Variants in TAB1 observed in about 807,000 individuals in gnomAD.
TAB1 encodes the protein TGF-beta activated kinase 1 (MAP3K7) binding protein 1.
In TAB1, 30 loss-of-function variants were observed where a neutral mutation model predicts 54.5. The observed-to-expected ratio is 0.55, with a 90% confidence interval of 0.41 to 0.75. TAB1 has a LOEUF of 0.75. Ranked by LOEUF, TAB1 falls within the 30% of genes least tolerant of loss-of-function variation. TAB1 has a pLI of 0.00. For missense variants in TAB1, 609 were observed against 683.2 expected (o/e 0.89, Z 1.21); for synonymous variants, 289 against 286.9 (o/e 1.01, Z -0.07).
intron 1 of TAB1, among the ~76,000 whole-genome samples, chr22:39,404,978 C>T (rs1926301225): frequency 6.6e-6 from 1 of 152,186 alleles, no homozygotes; most frequent in Non-Finnish European, 1.5e-5. Flanking sequence ...GTCTGCTGCT[C>T]CCCTGCTCCG....
chr22:39,429,687 G>A (rs1927502880), intron 10 of TAB1: 1 of 385,022 alleles, frequency 2.6e-6, no homozygotes, highest in South Asian at 1.1e-4. Context: ...TCACCGTGTT[G>A]GCCAGGCTGA....
chr22:39,414,299 G>A (rs1926730022), intron 1 of TAB1, among the ~76,000 whole-genome samples: 1 of 152,200 alleles, frequency 6.6e-6, no homozygotes, highest in Non-Finnish European at 1.5e-5. Flanking sequence ...GGACAGGGCT[G>A]TAGGCATTTG....
At chr22:39,408,727 T>C (rs192093778) in intron 1 of TAB1, among the ~76,000 whole-genome samples, 14 of 152,284 alleles carry the variant, frequency 9.2e-5, no homozygotes, top group Non-Finnish European at 1.6e-4. Context: ...GGTCTTGAAC[T>C]CCTGACTTGG....
At chr22:39,429,006 C>T (rs1230128328) in intron 10 of TAB1, 2 of 972,430 alleles carry the variant, frequency 2.1e-6, no homozygotes, top group South Asian at 9.5e-5. Context: ...CTCCAGCACC[C>T]CTGCCGGGCT....
chr22:39,405,446 G>T (rs1034736447), intron 1 of TAB1, among the ~76,000 whole-genome samples: 4 of 152,234 alleles, frequency 2.6e-5, no homozygotes, highest in African/African-American at 9.6e-5. Context: ...TCCTGCGTTC[G>T]CTGTTGTGTG....
intron 8 of TAB1, among the ~76,000 whole-genome samples, chr22:39,424,844 G>A (rs1927250251): frequency 6.6e-6 from 1 of 152,110 alleles, no homozygotes. Context: ...GTAGAGTAGG[G>A]AATTTGGGGT....
At chr22:39,418,032 C>T (rs550286572) in intron 5 of TAB1, among the ~76,000 whole-genome samples, 183 bp downstream of exon 5, 47 of 152,346 alleles carry the variant, frequency 3.1e-4, no homozygotes, top group African/African-American at 9.1e-4. Flanking sequence ...GGAGAAAGGA[C>T]GGGATGGGAG....
At chr22:39,429,885 A>G (rs1020684654) in intron 10 of TAB1, 130 bp from the exon 11 acceptor site, 10 of 1,518,000 alleles carry the variant, frequency 6.6e-6, no homozygotes, top group Middle Eastern at 2.5e-4. Context: ...GCCAGCTCCT[A>G]TGGTCACCTC....
chr22:39,406,799 A>AT (rs945490115), intron 1 of TAB1, among the ~76,000 whole-genome samples: 3 of 151,574 alleles, frequency 2.0e-5, no homozygotes, highest in African/African-American at 7.3e-5. Context: ...CGCCCACCTA[A>AT]TTTTTTTGTA....
chr22:39,419,409 C>A, intron 6 of TAB1, 110 bp from the exon 7 acceptor site: 1 of 866,442 alleles, frequency 1.2e-6, no homozygotes. Context: ...TCTTCATTTC[C>A]TATTCAGTGG....
chr22:39,428,373 G>A (rs1209590952), intron 10 of TAB1, among the ~76,000 whole-genome samples, 190 bp downstream of exon 10: 1 of 152,236 alleles, frequency 6.6e-6, no homozygotes, highest in African/African-American at 2.4e-5. Flanking sequence ...TTGGTCAGGT[G>A]GCTGATGGTC....
At chr22:39,429,018 C>A in intron 10 of TAB1, 1 of 973,364 alleles carries the variant, frequency 1.0e-6, no homozygotes, top group South Asian at 4.7e-5. Context: ...TGCCGGGCTG[C>A]CTGGAGGAGT....
chr22:39,400,817 C>T (rs932410752), intron 1 of TAB1, among the ~76,000 whole-genome samples: 4 of 151,964 alleles, frequency 2.6e-5, no homozygotes, highest in East Asian at 1.9e-4. Context: ...GGGTGGATCA[C>T]GAGGTCAGGA....
chr22:39,410,090 T>C (rs1490016182), intron 1 of TAB1, among the ~76,000 whole-genome samples: 1 of 152,254 alleles, frequency 6.6e-6, no homozygotes, highest in East Asian at 1.9e-4. Flanking sequence ...AGACCCAATT[T>C]TGTGTTACTG....
downstream of TAB1, among the ~76,000 whole-genome samples, chr22:39,434,265 A>G (rs141831025): frequency 2.1e-3 from 327 of 152,354 alleles, 1 homozygote; most frequent in African/African-American, 7.1e-3. Context: ...CCACACGCCT[A>G]TGGGCACCCT....
downstream of TAB1, among the ~76,000 whole-genome samples, chr22:39,434,404 CAG>C (rs993666952): frequency 3.9e-4 from 60 of 152,376 alleles, no homozygotes; most frequent in African/African-American, 1.3e-3. Context: ...GAAGTGCAGA[CAG>C]GGGCTGTGGG....
rs370199781 is a variant in TAB1 at position 39,417,836 on chromosome 22, C to A, written c.537C>A (p.Tyr179Ter). The A allele has an allele frequency of 6.2e-7, 1 of 1,608,754 alleles. No individual in the cohort carries two copies. Residue 179 changes from tyrosine to a stop codon, truncating the protein, a stop_gained, in exon 5 of 11, where the codon TAC becomes TAA. Transcript: ENST00000216160. LOFTEE classifies it high-confidence loss of function. ...VVAVLLNNKL[Y>*]VANVGTNRAL... is the part of the protein sequence containing the mutation. ...CGGTCCTTCTCAACAACAAGCTCTA[C>A]GTCGCCAATGTCGGTGAGCCCCCTC...
chr22:39,412,557 G>A (rs908986511), intron 1 of TAB1, among the ~76,000 whole-genome samples: 1 of 152,082 alleles, frequency 6.6e-6, no homozygotes, highest in Non-Finnish European at 1.5e-5. Context: ...CCCACACCCT[G>A]CAGAAGTTGC....
rs28473363 is a variant in TAB1 at position 39,403,892 on chromosome 22, C to T, written c.33+4057C>T. Reference sequence around the variant, plus strand: ...ATCTCCTGACCTCGTGATCTGCCAGCCTCGGCCTCCCAAAGTGCTGGGATT... The same window carrying T: ...ATCTCCTGACCTCGTGATCTGCCAGTCTCGGCCTCCCAAAGTGCTGGGATT... On this transcript the variant is annotated intron_variant, in intron 1 of 10. Transcript: ENST00000216160. Among the ~76,000 whole-genome samples, 108 of 152,202 alleles carry T rather than the reference C, an allele frequency of 7.1e-4. 1 individual carries two copies. The highest frequency in any genetic ancestry group is 2.3e-3 in the African/African-American group (96 of 41,518).
Sources: gnomAD v4.1 joint callset for allele counts (sites outside exome capture counted in the v4.1 genomes callset) on GRCh38, gnomAD v4.1.1 for gene constraint, MANE v1.5 for transcripts, NCBI Gene and HGNC (gene_info 2026-07-23, HGNC 2026-07-21) for gene names.